USH2A: variants seen among roughly 807,000 people sequenced by gnomAD.
The protein encoded by USH2A is usherin, also known as Usher syndrome 2A (autosomal recessive, mild).
USH2A carries 443 observed loss-of-function variants against 538.9 expected under a neutral mutation model. The ratio of observed to expected loss-of-function variants is 0.82; its 90% CI spans 0.76 to 0.89. The LOEUF (loss-of-function observed/expected upper bound fraction) is 0.89, where lower values mean the gene tolerates loss of function less well. Ranked by LOEUF, USH2A falls within the 40% of genes least tolerant of loss-of-function variation. The pLI is 0.00. For synonymous variants in USH2A, 2,413 were observed against 2,273.5 expected (o/e 1.06, Z -1.75); for missense variants, 6,633 against 6,324.8 (o/e 1.05, Z -1.65).
chr1:215,766,543 G>A (rs1661133301), intron 56 of USH2A, 138 bp downstream of exon 56: 2 of 813,980 alleles, frequency 2.5e-6, no homozygotes, highest in Non-Finnish European at 4.1e-6. Context: ...TGAAGAATGG[G>A]AACCTAGAAT....
intron 35 of USH2A, among the ~76,000 whole-genome samples, chr1:215,980,512 C>G (rs1041635297): frequency 3.3e-5 from 5 of 152,024 alleles, no homozygotes; most frequent in Admixed American, 1.3e-4. Context: ...GGCCATGTAA[C>G]CATCACTCAC....
intron 55 of USH2A, among the ~76,000 whole-genome samples, chr1:215,778,658 T>C (rs1661535139): frequency 6.6e-6 from 1 of 152,092 alleles, no homozygotes; most frequent in African/African-American, 2.4e-5. Flanking sequence ...CAACACCCCC[T>C]GCAAAAAGTG....
Position 216,000,410 on chromosome 1 carries a change from G to A in USH2A, c.6478C>T (p.His2160Tyr), listed in dbSNP as rs764561100. ...GACAACATTTCTACTTACTGTATGT[G>A]TATAGTTCTAGAATCCAGGACAGTC... is the stretch of plus-strand genomic sequence containing the variant. ...VLTVLDSRTI[H>Y]IQWKQPRKIS... is the part of the protein sequence containing the mutation. The change falls in exon 33 of 72, where the codon CAC becomes TAC. Residue 2160 changes from histidine to tyrosine, a missense_variant. Transcript: ENST00000307340. 12 of 1,613,520 alleles carry A rather than the reference G, an allele frequency of 7.4e-6. No homozygotes were observed. The highest frequency in any genetic ancestry group is 1.1e-5 in the South Asian group (1 of 91,076).
chr1:216,359,678 C>G (rs921268171), intron 4 of USH2A, among the ~76,000 whole-genome samples: 1 of 151,962 alleles, frequency 6.6e-6, no homozygotes, highest in African/African-American at 2.4e-5. Flanking sequence ...ATGGCATGTC[C>G]ATTATATACA....
intron 3 of USH2A, among the ~76,000 whole-genome samples, chr1:216,415,508 CTTTTTTTT>C (rs71161423): frequency 0.012 from 1,148 of 96,878 alleles, 33 homozygotes; most frequent in African/African-American, 0.039. Context: ...CTTCCTGTCA[CTTTTTTTT>C]TTTTTTTTTT....
In USH2A at chr1:215,623,127, A is replaced by AGAT. The variant is rs1405005117; in HGVS notation, c.*2651_*2653dup. On this transcript the variant is annotated 3_prime_UTR_variant, in exon 72 of 72. Transcript: ENST00000307340. ...GGTTCCATTTAGTGGAAATTACAGT[A>AGAT]GATTATAAACACATTTCTTAGAGTG... 5 of 152,164 alleles carry AGAT rather than the reference A, an allele frequency of 3.3e-5. No homozygotes were observed. Among genetic ancestry groups the AGAT allele is most frequent in the African/African-American group, 1.2e-4 (5 of 41,458 alleles). 9.4% of individuals were successfully genotyped at this position (152,164 alleles called of 1,614,324 possible).
intron 5 of USH2A, among the ~76,000 whole-genome samples, chr1:216,326,333 A>T (rs1407584408): frequency 6.6e-6 from 1 of 152,220 alleles, no homozygotes; most frequent in Non-Finnish European, 1.5e-5. Flanking sequence ...TTAGTAATCA[A>T]GGTCTTACCA....
intron 37 of USH2A, among the ~76,000 whole-genome samples, chr1:215,936,746 T>C (rs1447239607): frequency 1.3e-5 from 2 of 152,022 alleles, no homozygotes; most frequent in African/African-American, 4.8e-5. Context: ...CCTTCCAACC[T>C]AACAATGTAT....
chr1:215,861,384 C>G (rs1664307513), intron 44 of USH2A, among the ~76,000 whole-genome samples: 1 of 152,212 alleles, frequency 6.6e-6, no homozygotes, highest in Non-Finnish European at 1.5e-5. Context: ...GTTAGCGAAG[C>G]TGGTGAAACC....
At chr1:216,115,531 A>G (rs1023394869) in intron 21 of USH2A, among the ~76,000 whole-genome samples, 4 of 152,236 alleles carry the variant, frequency 2.6e-5, no homozygotes, top group African/African-American at 9.6e-5. Context: ...GACTTTTAAA[A>G]TCAGTGTATT....
chr1:216,344,224 C>T (rs1022201268), intron 4 of USH2A, among the ~76,000 whole-genome samples: 1 of 152,000 alleles, frequency 6.6e-6, no homozygotes, highest in Non-Finnish European at 1.5e-5. Context: ...AAGAGAAAGA[C>T]GAATGGCAAT....
intron 21 of USH2A, among the ~76,000 whole-genome samples, chr1:216,110,602 T>C (rs2032843084): frequency 6.6e-6 from 1 of 152,090 alleles, no homozygotes; most frequent in Non-Finnish European, 1.5e-5. Flanking sequence ...CCTATAGCAG[T>C]AGAAGTATTT....
intron 37 of USH2A, among the ~76,000 whole-genome samples, chr1:215,959,346 T>A (rs536850433): frequency 6.6e-6 from 1 of 152,130 alleles, no homozygotes; most frequent in Non-Finnish European, 1.5e-5. Flanking sequence ...AAGCATCTGA[T>A]TATGCTCATT....
intron 11 of USH2A, 94 bp from the exon 12 acceptor site, chr1:216,251,192 A>G: frequency 7.9e-7 from 1 of 1,264,480 alleles, no homozygotes; most frequent in Non-Finnish European, 1.1e-6. Flanking sequence ...GGGAGAAGAA[A>G]ACTAAATGTT....
At chr1:215,860,090 C>G (rs1379124144) in intron 44 of USH2A, among the ~76,000 whole-genome samples, 1 of 152,194 alleles carries the variant, frequency 6.6e-6, no homozygotes, top group Admixed American at 6.5e-5. Context: ...GTCCACTCAC[C>G]TTTTGACCTT....
In USH2A at chr1:216,323,502, C is replaced by A. The variant is rs397517999; in HGVS notation, c.1522G>T (p.Ala508Ser). 1 of 1,613,346 alleles carries A rather than the reference C, an allele frequency of 6.2e-7. No individual in the cohort carries two copies. Among genetic ancestry groups the A allele is most frequent in the Non-Finnish European group, 8.5e-7 (1 of 1,179,674 alleles). Residue 508 changes from alanine to serine, a missense_variant, in exon 8 of 72, where the codon GCA (alanine) becomes TCA (serine). Physicochemically the swap from Ala to Ser is moderately conservative, Grantham distance 99. Transcript: ENST00000307340. ...TAVNLRHRYY[A>S]VDEITISGRC... ...CCACTAATGGTGATTTCGTCCACTG[C>A]ATAATATCTGTGTCTGAGGTTAACA... is the stretch of plus-strand genomic sequence containing the variant.
At chr1:215,996,429 A>G (rs1282645226) in intron 34 of USH2A, among the ~76,000 whole-genome samples, 4 of 152,136 alleles carry the variant, frequency 2.6e-5, no homozygotes, top group Non-Finnish European at 4.4e-5. Flanking sequence ...TTATCAAGCA[A>G]CACCTGTCTT....
chr1:216,273,615 G>C (rs1398851915), intron 11 of USH2A, among the ~76,000 whole-genome samples: 1 of 151,880 alleles, frequency 6.6e-6, no homozygotes, highest in East Asian at 1.9e-4. Flanking sequence ...CACAGTGCCT[G>C]GTATATAGGA....
chr1:215,752,836 T>C (rs1660665585), intron 58 of USH2A, among the ~76,000 whole-genome samples: 1 of 152,240 alleles, frequency 6.6e-6, no homozygotes, highest in African/African-American at 2.4e-5. Flanking sequence ...AAAGAGCTTC[T>C]GCACTGCAAA....
Sources: allele counts gnomAD v4.1 joint callset (sites outside exome capture counted in the v4.1 genomes callset), GRCh38; gene constraint gnomAD v4.1.1; transcripts MANE v1.5; gene names NCBI Gene and HGNC (gene_info 2026-07-23, HGNC 2026-07-21).